Variants in ZNF84 observed in about 807,000 individuals in gnomAD.
The protein encoded by ZNF84 is zinc finger protein 84.
A neutral mutation model predicts 14.8 loss-of-function variants in ZNF84; 12 were observed. That is an observed-to-expected ratio of 0.81 (90% CI 0.52 to 1.31). The LOEUF is 1.31. ZNF84 is among the 50% of genes most tolerant of loss of function. ZNF84 has a pLI of 0.00. For missense variants in ZNF84, 859 were observed against 878.6 expected (o/e 0.98, Z 0.28); for synonymous variants, 347 against 291.1 (o/e 1.19, Z -1.96).
At position 133,062,294 on chromosome 12, in the gene ZNF84, T is replaced by C; in HGVS notation, c.*3362T>C. The C allele has an allele frequency of 6.6e-6, 1 of 152,246 alleles. No homozygotes were observed. Among genetic ancestry groups the C allele is most frequent in the South Asian group, 2.1e-4 (1 of 4,838 alleles). 9.4% of individuals were successfully genotyped at this position (152,246 alleles called of 1,614,324 possible). On this transcript the variant is annotated 3_prime_UTR_variant, in exon 5 of 5. Coordinates refer to ENST00000539354, the MANE Select transcript of ZNF84 (RefSeq NM_001289971.2). The stretch of plus-strand genomic sequence containing the variant: ...TCTTGCAGGATCTGACATCATTACC[T>C]ATGGGTCCATATATTTGTGATACTT...
chr12:133,050,542 A>T, intron 4 of ZNF84: 1 of 398,644 alleles, frequency 2.5e-6, no homozygotes, highest in South Asian at 1.3e-4. Flanking sequence ...ATAGTATGAC[A>T]CTACTGCTGC....
In ZNF84 at chr12:133,060,674, T is replaced by C. The variant is rs1031681546; in HGVS notation, c.*1742T>C. ...TCACATCCTCTTAAGTCAGGAACTA[T>C]CTGTATAAGGAAACAAGATTTCCAT... On this transcript the variant is annotated 3_prime_UTR_variant, in exon 5 of 5. Transcript: ENST00000539354. The C allele has an allele frequency of 6.6e-6, 1 of 152,234 alleles. No individual in the cohort carries two copies. The highest frequency in any genetic ancestry group is 1.5e-5 in the Non-Finnish European group (1 of 68,038). The allele number at this position is 152,234 out of a possible 1,614,324, so 9.4% of individuals were successfully genotyped here.
Position 133,058,123 on chromosome 12 carries a change from A to C in ZNF84, c.1408A>C (p.Arg470=), listed in dbSNP as rs1954194824. ...CAGTAAATGTGGGAAAGCCTTCAGC[A>C]GGAAATCACAGCTCGTTAGACATCA... is the stretch of plus-strand genomic sequence containing the variant. ...ICSKCGKAFS[R]KSQLVRHQRT... The change falls in exon 5 of 5, where the codon AGG becomes CGG. Residue 470 remains arginine, a synonymous_variant. Coordinates refer to ENST00000539354, the MANE Select transcript of ZNF84 (RefSeq NM_001289971.2). The C allele has an allele frequency of 1.9e-6, 3 of 1,613,876 alleles. No individual in the cohort carries two copies. The South Asian group carries it at 3.3e-5, about 18-fold the overall frequency.
chr12:133,058,303 C>G lies in ZNF84; in HGVS notation c.1588C>G (p.Leu530Val). The change falls in exon 5 of 5, where the codon CTC (leucine) becomes GTC (valine). Residue 530 changes from leucine (L) to valine (V), a missense_variant. Leu to Val is a conservative substitution (Grantham distance 32). Coordinates refer to ENST00000539354, the MANE Select transcript of ZNF84 (RefSeq NM_001289971.2). Reference sequence around the variant, plus strand: ...GAAAGCCTTTTGTCAGAAGTCACATCTCATATCACATCAGAGGACACATAC... The same window carrying G: ...GAAAGCCTTTTGTCAGAAGTCACATGTCATATCACATCAGAGGACACATAC... ...CGKAFCQKSH[L>V]ISHQRTHTGE... 6.2e-7 allele frequency: 1 copy of G among 1,614,130 alleles called. No individual in the cohort carries two copies. Among genetic ancestry groups the G allele is most frequent in the Non-Finnish European group, 8.5e-7 (1 of 1,180,016 alleles).
Position 133,047,981 on chromosome 12 carries a change from T to C in ZNF84, c.42T>C (p.Ser14=). The change falls in exon 3 of 5, where the codon TCT becomes TCC. Residue 14 remains serine (S), a synonymous_variant. Transcript: ENST00000539354. ...AGTCATTCTCATTTGACGATTTATC[T>C]GTGGACTTCACCCAAAAGGAGTGGC... ...LQESFSFDDL[S]VDFTQKEWQL... 1 of 1,614,118 alleles carries C rather than the reference T, an allele frequency of 6.2e-7. No individual in the cohort carries two copies. The highest frequency in any genetic ancestry group is 8.5e-7 in the Non-Finnish European group (1 of 1,179,976).
intron 2 of ZNF84, 38 bp downstream of exon 2, chr12:133,041,520 A>G: frequency 6.2e-7 from 1 of 1,604,144 alleles, no homozygotes; most frequent in Non-Finnish European, 8.5e-7. Context: ...TTCCCAGGGA[A>G]TTAGAAGAAA....
Position 133,058,765 on chromosome 12 carries a change from G to T in ZNF84, c.2050G>T (p.Gly684Ter). 1 of 1,614,074 alleles carries T rather than the reference G, an allele frequency of 6.2e-7. No individual in the cohort carries two copies. ...QRTHTGEKPY[G>*]CSECRKAFSQ... ...GACACATACGGGTGAGAAACCCTAT[G>T]GATGCAGTGAATGTAGGAAGGCCTT... Residue 684 changes from glycine (G) to a stop codon, truncating the protein, a stop_gained, in exon 5 of 5, where the codon GGA (glycine) becomes TGA (stop). Coordinates refer to ENST00000539354, the MANE Select transcript of ZNF84 (RefSeq NM_001289971.2). LOFTEE classifies it low-confidence loss of function (END_TRUNC).
At chr12:133,055,068 TCA>T (rs1342024309) in intron 4 of ZNF84, among the ~76,000 whole-genome samples, 1 of 152,194 alleles carries the variant, frequency 6.6e-6, no homozygotes, top group Admixed American at 6.5e-5. Flanking sequence ...CTCATTTGTC[TCA>T]CACAGTAAAC....
chr12:133,049,396 C>T (rs1954037261), intron 4 of ZNF84, among the ~76,000 whole-genome samples: 1 of 152,104 alleles, frequency 6.6e-6, no homozygotes, highest in Admixed American at 6.5e-5. Context: ...CCAATTTATC[C>T]TTATCCTCCC....
intron 2 of ZNF84, among the ~76,000 whole-genome samples, chr12:133,046,899 T>C (rs1953990215): frequency 1.4e-5 from 2 of 144,666 alleles, no homozygotes; most frequent in Non-Finnish European, 3.0e-5. Context: ...ATTTTTAATA[T>C]AATATTTATA....
In ZNF84 at chr12:133,058,920, A is replaced by G; in HGVS notation, c.2205A>G (p.Val735=). The G allele has an allele frequency of 6.3e-7, 1 of 1,598,204 alleles. No individual in the cohort carries two copies. The highest frequency in any genetic ancestry group is 8.5e-7 in the Non-Finnish European group (1 of 1,173,546). The part of the protein sequence containing the change: ...QLINHQRTHT[V]KKS ...TCAATCATCAGAGAACTCATACAGT[A>G]AAAAAATCCTAGGAATACAGTTAAT... Residue 735 remains valine, a synonymous_variant, in exon 5 of 5, where the codon GTA becomes GTG. Transcript: ENST00000539354.
At chr12:133,051,704 G>A (rs1954072119) in intron 4 of ZNF84, among the ~76,000 whole-genome samples, 1 of 152,272 alleles carries the variant, frequency 6.6e-6, no homozygotes, top group East Asian at 1.9e-4. Flanking sequence ...CTGGGAGCTG[G>A]TCATGTAGGT....
At position 133,058,394 on chromosome 12, in the gene ZNF84, C is replaced by T. The variant is rs1954199340; in HGVS notation, c.1679C>T (p.Thr560Ile). ...KAFGEKSSLA[T>I]HQRTHTGEKP... ...TTTGGTGAGAAGTCAAGTCTTGCAACTCATCAGAGAACTCATACTGGAGAA... is the reference window on the plus strand; with the variant it reads ...TTTGGTGAGAAGTCAAGTCTTGCAATTCATCAGAGAACTCATACTGGAGAA... The change falls in exon 5 of 5, where the codon ACT (threonine) becomes ATT (isoleucine). Residue 560 changes from threonine to isoleucine, a missense_variant. Coordinates refer to ENST00000539354, the MANE Select transcript of ZNF84 (RefSeq NM_001289971.2). The T allele has an allele frequency of 6.2e-7, 1 of 1,612,112 alleles. No individual in the cohort carries two copies. Among genetic ancestry groups the T allele is most frequent in the South Asian group, 1.1e-5 (1 of 90,954 alleles).
intron 1 of ZNF84, among the ~76,000 whole-genome samples, chr12:133,039,688 A>G (rs1953852269): frequency 6.6e-6 from 1 of 152,098 alleles, no homozygotes; most frequent in Admixed American, 6.6e-5. Context: ...TTAACACCTC[A>G]TTTGTTTCTT....
intron 4 of ZNF84, chr12:133,050,665 C>G (rs965552570): frequency 2.0e-5 from 8 of 397,370 alleles, no homozygotes; most frequent in Non-Finnish European, 3.1e-5. Flanking sequence ...TACTAGTTAC[C>G]TAGAAATTCT....
At position 133,056,936 on chromosome 12, in the gene ZNF84, T is replaced by C; in HGVS notation, c.239-18T>C. Reference sequence around the variant, plus strand: ...TTAGAAAGCACAACCAAACAGATTGTTTTTGTTTCCTTTATAGAAGTCTGG... The same window carrying C: ...TTAGAAAGCACAACCAAACAGATTGCTTTTGTTTCCTTTATAGAAGTCTGG... On this transcript the variant is annotated intron_variant, in intron 4 of 4. Coordinates refer to ENST00000539354, the MANE Select transcript of ZNF84 (RefSeq NM_001289971.2). 6.5e-7 allele frequency: 1 copy of C among 1,540,684 alleles called. No individual in the cohort carries two copies. The highest frequency in any genetic ancestry group is 8.7e-7 in the Non-Finnish European group (1 of 1,150,652).
In ZNF84 at chr12:133,048,742, T is replaced by C; in HGVS notation, c.143-11T>C. The C allele has an allele frequency of 6.2e-7, 1 of 1,612,150 alleles. No individual in the cohort carries two copies. The highest frequency in any genetic ancestry group is 8.5e-7 in the Non-Finnish European group (1 of 1,178,582). Reference sequence around the variant, plus strand: ...TTGGGCCCAAGGCCTTTGTGATTTTTCCCTTAACAGGGTATGAAGTTATGA... The same window carrying C: ...TTGGGCCCAAGGCCTTTGTGATTTTCCCCTTAACAGGGTATGAAGTTATGA... On this transcript the variant is annotated splice_polypyrimidine_tract_variant and intron_variant, in intron 3 of 4. Coordinates refer to ENST00000539354, the MANE Select transcript of ZNF84 (RefSeq NM_001289971.2).
chr12:133,047,796 T>G, intron 2 of ZNF84, 159 bp from the exon 3 acceptor site: 1 of 712,592 alleles, frequency 1.4e-6, no homozygotes, highest in South Asian at 2.0e-5. Context: ...GATGGAAGAA[T>G]GCACAATGAC....
chr12:133,051,112 G>GTTT (rs71825223), intron 4 of ZNF84, among the ~76,000 whole-genome samples: 32 of 145,622 alleles, frequency 2.2e-4, no homozygotes, highest in African/African-American at 7.5e-4. Flanking sequence ...TTGTTTTTTG[G>GTTT]TTTTTTTTTT....
Sources: gnomAD v4.1 joint callset for allele counts (sites outside exome capture counted in the v4.1 genomes callset) on GRCh38, gnomAD v4.1.1 for gene constraint, MANE v1.5 for transcripts, NCBI Gene and HGNC (gene_info 2026-07-23, HGNC 2026-07-21) for gene names.